The following SDK1 variants were observed in gnomAD, a reference collection of about 807,000 sequenced individuals.
The protein encoded by SDK1 is sidekick cell adhesion molecule 1.
Under a neutral mutation model 245.5 loss-of-function variants are expected in SDK1, and 157 were observed. The ratio of observed to expected loss-of-function variants is 0.64; its 90% CI spans 0.56 to 0.73. The LOEUF (loss-of-function observed/expected upper bound fraction) is 0.73, where lower values mean the gene tolerates loss of function less well. Among genes scored for constraint, SDK1 ranks in the 30% least tolerant of loss-of-function variants. The pLI, the probability that SDK1 is intolerant of heterozygous loss-of-function variation, is 0.00. For missense variants in SDK1, 3,583 were observed against 3,002.3 expected, an observed-to-expected ratio of 1.19 and a Z score of -4.52; for synonymous variants, 1,647 against 1,278.5, an observed-to-expected ratio of 1.29 and a Z score of -6.15.
rs774884045 is a variant in SDK1, at chr7:3,862,672, C to T, written c.847+41089C>T. ...ACTTCAAATGTCAGGCTTTTTAATA[C>T]GTCAGGCTTTTTCTGAAAAAAATTT... On this transcript the variant is annotated intron_variant, in intron 5 of 44. Coordinates refer to ENST00000404826, the MANE Select transcript of SDK1 (RefSeq NM_152744.4). 2.3e-3 allele frequency among the ~76,000 whole-genome samples: 352 copies of T among 152,094 alleles called. 10 individuals carry two copies. The highest frequency in any genetic ancestry group is 8.2e-4 in the Non-Finnish European group (56 of 68,018).
At chr7:3,333,937 C>T (rs1306593817) in intron 1 of SDK1, among the ~76,000 whole-genome samples, 1 of 152,192 alleles carries the variant, frequency 6.6e-6, no homozygotes, top group Non-Finnish European at 1.5e-5. Flanking sequence ...GCTGATTTGG[C>T]TGTTGCTGCT....
rs1252606970 is a variant in SDK1, at chr7:3,974,714, T to G, written c.1994+169T>G. Reference sequence around the variant, plus strand: ...TACATATATGGACAAGGTTTTTTTGTGGTTTCTTTCAACTTCGGAATTGAG... The same window carrying G: ...TACATATATGGACAAGGTTTTTTTGGGGTTTCTTTCAACTTCGGAATTGAG... On this transcript the variant is annotated intron_variant, in intron 13 of 44. Transcript: ENST00000404826. 2.7e-5 allele frequency: 16 copies of G among 591,860 alleles called. No individual in the cohort carries two copies. The East Asian group carries it at 4.7e-4, about 17-fold the overall frequency. The allele number at this position is 591,860 out of a possible 1,614,324, so 36.7% of individuals were successfully genotyped here. A position where few individuals can be genotyped will look rare whatever the true frequency, so the allele number is the denominator to read the frequency against.
At chr7:4,264,158 C>T (rs1216860541) in intron 44 of SDK1, among the ~76,000 whole-genome samples, 15 of 139,188 alleles carry the variant, frequency 1.1e-4, no homozygotes, top group African/African-American at 3.5e-4. Flanking sequence ...TGAGGGTGGC[C>T]GCGTAGAACT....
Position 4,268,172 on chromosome 7 carries a change from C to T in SDK1, c.*2788C>T, listed in dbSNP as rs1235329783. 4 of 987,078 alleles carry T rather than the reference C, an allele frequency of 4.1e-6. No homozygotes were observed. Among genetic ancestry groups the T allele is most frequent in the Non-Finnish European group, 4.8e-6 (4 of 830,958 alleles). The allele number at this position is 987,078 out of a possible 1,614,324, so 61.1% of individuals were successfully genotyped here. On this transcript the variant is annotated 3_prime_UTR_variant, in exon 45 of 45. Transcript: ENST00000404826. The stretch of plus-strand genomic sequence containing the variant: ...CTCATGACAGCAGTGGCTGAGTCTC[C>T]CCACCCACCCCCAACGTGGCTCATT...
At chr7:3,362,428 T>A (rs1407426849) in intron 1 of SDK1, among the ~76,000 whole-genome samples, 1 of 152,156 alleles carries the variant, frequency 6.6e-6, no homozygotes, top group Non-Finnish European at 1.5e-5. Context: ...TGTTTGATCA[T>A]AAATATATAG....
intron 4 of SDK1, among the ~76,000 whole-genome samples, chr7:3,804,646 C>T (rs1288040520): frequency 2.0e-5 from 3 of 152,180 alleles, no homozygotes; most frequent in South Asian, 2.1e-4. Context: ...TAGGCCTGTT[C>T]GGACAAAACC....
chr7:3,699,010 G>A (rs1338351847), intron 4 of SDK1, among the ~76,000 whole-genome samples: 1 of 152,126 alleles, frequency 6.6e-6, no homozygotes, highest in African/African-American at 2.4e-5. Context: ...AAACCTGGGA[G>A]GAACAAGGAA....
chr7:3,355,537 C>A (rs984115172), intron 1 of SDK1, among the ~76,000 whole-genome samples: 1 of 152,090 alleles, frequency 6.6e-6, no homozygotes, highest in Non-Finnish European at 1.5e-5. Flanking sequence ...AGTTAGATTT[C>A]TTCTCCGTTC....
chr7:4,205,332 G>C lies in SDK1; in HGVS notation c.5099-547G>C, dbSNP rs886734. Among the ~76,000 whole-genome samples, 1,355 of 152,256 alleles carry C rather than the reference G, an allele frequency of 8.9e-3. 21 individuals are homozygous for C. Among genetic ancestry groups the C allele is most frequent in the African/African-American group, 0.031 (1,303 of 41,542 alleles). On this transcript the variant is annotated intron_variant, in intron 35 of 44. Transcript: ENST00000404826. ...GCTATCTTTTCTCTAATCTCAATCA[G>C]TAATATTAGTGACAAAAACCACAGC...
At chr7:3,710,521 C>T (rs1187109036) in intron 4 of SDK1, among the ~76,000 whole-genome samples, 1 of 152,204 alleles carries the variant, frequency 6.6e-6, no homozygotes, top group African/African-American at 2.4e-5. Context: ...AGGGAAAAAT[C>T]TCCTGTTTTC....
intron 5 of SDK1, among the ~76,000 whole-genome samples, chr7:3,911,141 C>T (rs1216116999): frequency 1.3e-5 from 2 of 152,160 alleles, no homozygotes; most frequent in Non-Finnish European, 2.9e-5. Flanking sequence ...TGAAAGGACA[C>T]ATAAAAAAAA....
chr7:4,139,617 G>GTGTGTGTGTATA, intron 28 of SDK1, among the ~76,000 whole-genome samples: 1 of 50,554 alleles, frequency 2.0e-5, no homozygotes, highest in South Asian at 8.6e-4. Context: ...GTGTGTATAT[G>GTGTGTGTGTATA]TGTGTGTGTA....
intron 40 of SDK1, chr7:4,227,490 A>G (rs1365523722): frequency 2.1e-6 from 1 of 467,616 alleles, no homozygotes; most frequent in African/African-American, 2.0e-5. Flanking sequence ...CTTCAGTAAA[A>G]TTTCTAACCT....
In SDK1 at chr7:4,012,549, C is replaced by CTTTTTTTTTTTTTTTTTTTTTTTTTTTT. The variant is rs777199429; in HGVS notation, c.2420+330_2420+357dup. ...GCAAGGTATATTGTTCAATGTGAAG[C>CTTTTTTTTTTTTTTTTTTTTTTTTTTTT]TTTTTTTTTTTTTTTTTTTTTTTTT... On this transcript the variant is annotated intron_variant, in intron 16 of 44. Coordinates refer to ENST00000404826, the MANE Select transcript of SDK1 (RefSeq NM_152744.4). Among the ~76,000 whole-genome samples, 9 of 25,988 alleles carry CTTTTTTTTTTTTTTTTTTTTTTTTTTTT rather than the reference C, an allele frequency of 3.5e-4. 4 individuals carry two copies. Among genetic ancestry groups the CTTTTTTTTTTTTTTTTTTTTTTTTTTTT allele is most frequent in the Non-Finnish European group, 8.0e-4 (8 of 10,038 alleles). 17.0% of individuals were successfully genotyped at this position (25,988 alleles called of 152,430 possible). A position where few individuals can be genotyped will look rare whatever the true frequency, so the allele number is the denominator to read the frequency against.
At chr7:3,496,617 G>A (rs912493134) in intron 1 of SDK1, among the ~76,000 whole-genome samples, 3 of 152,044 alleles carry the variant, frequency 2.0e-5, no homozygotes, top group African/African-American at 7.2e-5. Context: ...ACAGGATTCA[G>A]GTCAAGTATA....
intron 4 of SDK1, among the ~76,000 whole-genome samples, chr7:3,646,930 T>G (rs966319566): frequency 2.6e-5 from 4 of 152,104 alleles, no homozygotes; most frequent in Admixed American, 1.3e-4. Flanking sequence ...AAGCAGAACA[T>G]TGGTTGCCAG....
At chr7:4,255,914 CTTTT>C (rs34810935) in intron 44 of SDK1, among the ~76,000 whole-genome samples, 7 of 104,102 alleles carry the variant, frequency 6.7e-5, no homozygotes, top group Non-Finnish European at 5.4e-5. Flanking sequence ...TTTCCAAATA[CTTTT>C]TTTTTTTTTT....
intron 1 of SDK1, among the ~76,000 whole-genome samples, chr7:3,600,652 C>G (rs1329130130): frequency 6.6e-6 from 1 of 150,876 alleles, no homozygotes; most frequent in Non-Finnish European, 1.5e-5. Context: ...GGGTTCACGC[C>G]ATTCTCCTAC....
chr7:3,656,411 G>A (rs1783186553), intron 4 of SDK1, among the ~76,000 whole-genome samples: 1 of 152,154 alleles, frequency 6.6e-6, no homozygotes, highest in African/African-American at 2.4e-5. Context: ...TTGTTCCTCT[G>A]ACAAATACCT....
Sources: gnomAD v4.1 joint callset for allele counts (sites outside exome capture counted in the v4.1 genomes callset) on GRCh38, gnomAD v4.1.1 for gene constraint, MANE v1.5 for transcripts, NCBI Gene and HGNC (gene_info 2026-07-23, HGNC 2026-07-21) for gene names.